KLHL14: variants seen among roughly 807,000 people sequenced by gnomAD.
The protein encoded by KLHL14 is kelch-like protein 14.
In KLHL14, 22 loss-of-function variants were observed where a neutral mutation model predicts 64.3. The ratio of observed to expected loss-of-function variants is 0.34; its 90% CI spans 0.24 to 0.49. The LOEUF is 0.49. Ranked by LOEUF, KLHL14 falls within the 20% of genes least tolerant of loss-of-function variation. The pLI is 0.99. For missense variants in KLHL14, 661 were observed against 789.0 expected (o/e 0.84, Z 1.94); for synonymous variants, 322 against 333.4 (o/e 0.97, Z 0.37).
intron 2 of KLHL14, chr18:32,743,305 A>C (rs1430823724): frequency 1.3e-5 from 2 of 152,258 alleles, no homozygotes; most frequent in Non-Finnish European, 1.5e-5. Context: ...TTCTGATTCA[A>C]GAATGCTTGG....
At chr18:32,720,908 T>A (rs1359790039) in intron 3 of KLHL14, among the ~76,000 whole-genome samples, 1 of 152,208 alleles carries the variant, frequency 6.6e-6, no homozygotes, top group Admixed American at 6.5e-5. Context: ...CTTCTTCACA[T>A]GTTTATAATG....
At chr18:32,750,958 C>A (rs1598575904) in intron 2 of KLHL14, among the ~76,000 whole-genome samples, 1 of 152,300 alleles carries the variant, frequency 6.6e-6, no homozygotes, top group Admixed American at 6.5e-5. Context: ...CTTATTATAA[C>A]CTCTCTTTCC....
At chr18:32,771,091 C>A in intron 1 of KLHL14, 1 of 227,086 alleles carries the variant, frequency 4.4e-6, no homozygotes. Context: ...CAGAGGCGAC[C>A]GACGGCGAAG....
chr18:32,745,000 C>G (rs557508941), intron 2 of KLHL14: 3 of 152,224 alleles, frequency 2.0e-5, no homozygotes, highest in Non-Finnish European at 4.4e-5. Context: ...TAAGGTAAAT[C>G]TCTAAGCGAC....
In KLHL14 at chr18:32,728,246, C is replaced by T. The variant is rs116201262; in HGVS notation, c.1069+13682G>A. ...ACAACATGCACTCTGTTGTTAACTA[C>T]AGTAATGAGAAATAGCAAAGACTGC... On this transcript the variant is annotated intron_variant, in intron 3 of 8. Coordinates refer to ENST00000359358, the MANE Select transcript of KLHL14 (RefSeq NM_020805.3). Among the ~76,000 whole-genome samples, 817 of 152,244 alleles carry T rather than the reference C, an allele frequency of 5.4e-3. 6 individuals are homozygous for T. The highest frequency in any genetic ancestry group is 0.019 in the African/African-American group (773 of 41,556).
intron 4 of KLHL14, among the ~76,000 whole-genome samples, chr18:32,688,471 G>A (rs555270495): frequency 5.9e-5 from 9 of 152,272 alleles, no homozygotes; most frequent in African/African-American, 2.2e-4. Context: ...AGCGATGAAC[G>A]CTATTAAAAA....
chr18:32,724,203 G>A (rs563388408), intron 3 of KLHL14, among the ~76,000 whole-genome samples: 2 of 152,240 alleles, frequency 1.3e-5, no homozygotes, highest in South Asian at 2.1e-4. Context: ...ACCTTGACAG[G>A]TCACTTAACC....
intron 2 of KLHL14, among the ~76,000 whole-genome samples, chr18:32,750,544 T>C (rs2050246206): frequency 6.6e-6 from 1 of 152,188 alleles, no homozygotes; most frequent in Non-Finnish European, 1.5e-5. Flanking sequence ...ATAAAATCAC[T>C]GGACTTCCTA....
intron 2 of KLHL14, among the ~76,000 whole-genome samples, chr18:32,748,943 T>C (rs1401061239): frequency 6.6e-6 from 1 of 152,216 alleles, no homozygotes; most frequent in African/African-American, 2.4e-5. Context: ...ACCACCACCA[T>C]CATCAACAAC....
intron 2 of KLHL14, among the ~76,000 whole-genome samples, chr18:32,751,857 T>A (rs572647701): frequency 6.6e-6 from 1 of 152,232 alleles, no homozygotes; most frequent in East Asian, 1.9e-4. Flanking sequence ...TCCAACGTAG[T>A]GTCTCATGCC....
At chr18:32,767,228 C>T (rs552144999) in intron 2 of KLHL14, among the ~76,000 whole-genome samples, 3 of 152,140 alleles carry the variant, frequency 2.0e-5, no homozygotes, top group Admixed American at 2.0e-4. Context: ...AATAAATGGG[C>T]TGATTTAATA....
chr18:32,749,146 A>G (rs1160867583), intron 2 of KLHL14, among the ~76,000 whole-genome samples: 2 of 152,242 alleles, frequency 1.3e-5, no homozygotes, highest in Non-Finnish European at 2.9e-5. Flanking sequence ...TCCTGAAATG[A>G]TACTAAATCA....
At chr18:32,695,351 C>T (rs1018248260) in intron 4 of KLHL14, 112 bp downstream of exon 4, 1 of 705,758 alleles carries the variant, frequency 1.4e-6, no homozygotes, top group Non-Finnish European at 2.5e-6. Flanking sequence ...TTCATTTGTC[C>T]CCGTTGCACA....
At chr18:32,750,063 T>G (rs944416352) in intron 2 of KLHL14, among the ~76,000 whole-genome samples, 1 of 150,878 alleles carries the variant, frequency 6.6e-6, no homozygotes, top group Non-Finnish European at 1.5e-5. Flanking sequence ...AGAGCACACG[T>G]GTGTGCTCTC....
At position 32,680,786 on chromosome 18, in the gene KLHL14, G is replaced by A. The variant is rs902796907; in HGVS notation, c.1239-187C>T. 6.6e-6 allele frequency among the ~76,000 whole-genome samples: 1 copy of A among 152,080 alleles called. No individual in the cohort carries two copies. The highest frequency in any genetic ancestry group is 1.5e-5 in the Non-Finnish European group (1 of 68,012). ...ACCTTCTACAGTAATCATATGTATTGCCCTTCCTGGTTAATATTCTTGATA... is the reference window on the plus strand; with the variant it reads ...ACCTTCTACAGTAATCATATGTATTACCCTTCCTGGTTAATATTCTTGATA... On this transcript the variant is annotated intron_variant, in intron 5 of 8. Coordinates refer to ENST00000359358, the MANE Select transcript of KLHL14 (RefSeq NM_020805.3). The surrounding 1 kb of genome is among the most constrained non-coding windows in gnomAD (Gnocchi z 4.8).
chr18:32,728,096 T>A (rs951590742), intron 3 of KLHL14, among the ~76,000 whole-genome samples: 1 of 152,200 alleles, frequency 6.6e-6, no homozygotes, highest in Admixed American at 6.5e-5. Context: ...TGGTAGAAGG[T>A]TCAACAAATA....
At chr18:32,684,168 G>A (rs1253624433) in intron 5 of KLHL14, among the ~76,000 whole-genome samples, 2 of 151,968 alleles carry the variant, frequency 1.3e-5, no homozygotes, top group Non-Finnish European at 2.9e-5. Context: ...TCTCTTTACT[G>A]AAGAATTAAA....
At chr18:32,721,142 G>A (rs544823464) in intron 3 of KLHL14, among the ~76,000 whole-genome samples, 86 of 152,306 alleles carry the variant, frequency 5.6e-4, no homozygotes, top group African/African-American at 1.9e-3. Context: ...GAGGCTGGCC[G>A]TTTTTGAGCA....
intron 3 of KLHL14, among the ~76,000 whole-genome samples, chr18:32,722,124 CCTT>C (rs2050082844): frequency 6.6e-6 from 1 of 152,196 alleles, no homozygotes; most frequent in African/African-American, 2.4e-5. Context: ...ACTTGCTCCT[CCTT>C]GCCTTCTACC....
Sources: gnomAD v4.1 joint callset for allele counts (sites outside exome capture counted in the v4.1 genomes callset) on GRCh38, gnomAD v4.1.1 for gene constraint, Gnocchi (gnomAD v3.1) non-coding constraint, MANE v1.5 for transcripts, NCBI Gene and HGNC (gene_info 2026-07-23, HGNC 2026-07-21) for gene names.